CHLSN: variants seen among roughly 807,000 people sequenced by gnomAD.
CHLSN encodes cholesin.
the CHLSN span, among the ~76,000 whole-genome samples, chr7:993,755 C>T: frequency 5.9e-5 from 9 of 152,220 alleles, no homozygotes; most frequent in East Asian, 1.2e-3. Flanking sequence ...CCAGCCTGGA[C>T]GACAGAGCGG....
At chr7:1,057,443 G>C in the CHLSN span, 1 of 663,540 alleles carries the variant, frequency 1.5e-6, no homozygotes, top group Non-Finnish European at 2.8e-6. Context: ...TTCTGGGCCA[G>C]GGCTTTGGGA....
At chr7:1,070,992 A>ACACG in the CHLSN span, among the ~76,000 whole-genome samples, 2 of 150,294 alleles carry the variant, frequency 1.3e-5, no homozygotes, top group Non-Finnish European at 3.0e-5. Flanking sequence ...ACGGGCACAC[A>ACACG]CACACGTGCA....
chr7:1,059,412 C>T, the CHLSN span, among the ~76,000 whole-genome samples: 1 of 152,176 alleles, frequency 6.6e-6, no homozygotes, highest in Non-Finnish European at 1.5e-5. Context: ...ATCTCCGCGG[C>T]CCTCGCAGCC....
chr7:1,039,534 C>A, the CHLSN span, among the ~76,000 whole-genome samples: 1 of 52,360 alleles, frequency 1.9e-5, no homozygotes, highest in Non-Finnish European at 3.4e-5. Flanking sequence ...CCGCCCCGTC[C>A]GGGAGGGAGG....
the CHLSN span, among the ~76,000 whole-genome samples, chr7:1,012,757 G>A: frequency 1.3e-5 from 2 of 152,254 alleles, no homozygotes; most frequent in South Asian, 2.1e-4. Flanking sequence ...TGCTGCGCCC[G>A]GAGAGCCAGG....
chr7:1,042,507 C>G, the CHLSN span, among the ~76,000 whole-genome samples: 11 of 152,186 alleles, frequency 7.2e-5, no homozygotes, highest in African/African-American at 2.2e-4. Context: ...CCTCCAGCTA[C>G]GAGTACTTAT....
chr7:1,094,323 C>A, the CHLSN span, among the ~76,000 whole-genome samples: 1 of 152,236 alleles, frequency 6.6e-6, no homozygotes, highest in Non-Finnish European at 1.5e-5. Context: ...TCCGTCTTCA[C>A]AGAAACCTGC....
the CHLSN span, among the ~76,000 whole-genome samples, chr7:1,002,517 G>T: frequency 9.7e-6 from 1 of 103,446 alleles, no homozygotes; most frequent in Non-Finnish European, 2.0e-5. Flanking sequence ...TCCTGTGGGT[G>T]GGGAGTCCTG....
At chr7:1,051,242 C>T in the CHLSN span, among the ~76,000 whole-genome samples, 10 of 152,256 alleles carry the variant, frequency 6.6e-5, no homozygotes, top group African/African-American at 9.6e-5. Context: ...GTCCCAACCC[C>T]GGTCCTCTCA....
At chr7:1,000,415 C>G in the CHLSN span, 1 of 1,136,592 alleles carries the variant, frequency 8.8e-7, no homozygotes, top group East Asian at 2.8e-5. Flanking sequence ...GTGCCTGCCC[C>G]GCCGTGCACA....
At chr7:1,133,879 TCACTG>T in the CHLSN span, among the ~76,000 whole-genome samples, 1 of 152,098 alleles carries the variant, frequency 6.6e-6, no homozygotes, top group South Asian at 2.1e-4. Flanking sequence ...TAATCACAGC[TCACTG>T]CAGCCTCGAC....
At chr7:1,018,777 T>A in the CHLSN span, among the ~76,000 whole-genome samples, 1 of 150,340 alleles carries the variant, frequency 6.7e-6, no homozygotes, top group South Asian at 2.1e-4. Context: ...AGTGAGACCC[T>A]CAAAAAAAAA....
At chr7:1,071,410 G>T in the CHLSN span, among the ~76,000 whole-genome samples, 16 of 152,212 alleles carry the variant, frequency 1.1e-4, no homozygotes, top group Admixed American at 9.8e-4. Context: ...GCGCTGAGAG[G>T]ACCAGAGCTC....
At chr7:1,136,282 A>G in the CHLSN span, among the ~76,000 whole-genome samples, 2 of 118,386 alleles carry the variant, frequency 1.7e-5, no homozygotes, top group Admixed American at 2.0e-4. Flanking sequence ...TATAAAATAT[A>G]TATAAATATA....
chr7:1,017,754 GGGGAAGGGGCAGCTGCGGACGGCA>G, the CHLSN span, among the ~76,000 whole-genome samples: 3 of 152,042 alleles, frequency 2.0e-5, no homozygotes, highest in African/African-American at 4.8e-5. Flanking sequence ...CGCGGACGGC[GGGGAAGGGGCAGCTGCGGACGGCA>G]GGGTAAGGGG....
chr7:1,002,131 CCCTGTGGGTGAGTGGAGT>C, the CHLSN span, among the ~76,000 whole-genome samples: 13 of 76,236 alleles, frequency 1.7e-4, no homozygotes, highest in Non-Finnish European at 3.0e-4. Flanking sequence ...GTGAGTGGAG[CCCTGTGGGTGAGTGGAGT>C]CCTGTGGGTG....
At chr7:1,023,674 CA>C in the CHLSN span, among the ~76,000 whole-genome samples, 1,109 of 107,398 alleles carry the variant, frequency 0.01, 17 homozygotes, top group African/African-American at 0.033. The surrounding 1 kb of genome is among the most constrained non-coding windows in gnomAD (Gnocchi z 5.0). Flanking sequence ...CACACACACA[CA>C]CACCAGCAAC....
the CHLSN span, among the ~76,000 whole-genome samples, chr7:1,102,249 C>T: frequency 6.6e-6 from 1 of 152,268 alleles, no homozygotes. Context: ...GCTGCGTGCC[C>T]AGCACACGGC....
chr7:1,028,864 C>T, the CHLSN span: 1 of 809,944 alleles, frequency 1.2e-6, no homozygotes, highest in Non-Finnish European at 1.5e-6. Flanking sequence ...CTGCCATCTC[C>T]CCAATCTGCC....
Sources: allele counts gnomAD v4.1 joint callset (sites outside exome capture counted in the v4.1 genomes callset), GRCh38; gene constraint gnomAD v4.1.1; non-coding constraint Gnocchi (gnomAD v3.1); transcripts MANE v1.5; gene names NCBI Gene and HGNC (gene_info 2026-07-23, HGNC 2026-07-21).